LRRTM4: variants seen among roughly 807,000 people sequenced by gnomAD.
LRRTM4 encodes the protein leucine-rich repeat transmembrane neuronal protein 4.
Under a neutral mutation model 47.6 loss-of-function variants are expected in LRRTM4, and 25 were observed. That is an observed-to-expected ratio of 0.53 (90% CI 0.38 to 0.73). The LOEUF (loss-of-function observed/expected upper bound fraction) is 0.73, where lower values mean the gene tolerates loss of function less well. Ranked by LOEUF, LRRTM4 falls within the 30% of genes least tolerant of loss-of-function variation. The probability of loss-of-function intolerance (pLI) is 0.00; values close to 1 mark genes in which losing one functional copy is unlikely to be tolerated. For synonymous variants in LRRTM4, 311 were observed against 269.5 expected, an observed-to-expected ratio of 1.15 and a Z score of -1.51; for missense variants, 638 against 713.4, an observed-to-expected ratio of 0.89 and a Z score of 1.20.
intron 3 of LRRTM4, among the ~76,000 whole-genome samples, chr2:77,231,774 T>C (rs1674972447): frequency 6.6e-6 from 1 of 152,104 alleles, no homozygotes; most frequent in Admixed American, 6.5e-5. Flanking sequence ...CGAGGAACAC[T>C]CAAATAAGTC....
At chr2:76,780,995 G>T (rs978059434) in intron 3 of LRRTM4, among the ~76,000 whole-genome samples, 4 of 152,384 alleles carry the variant, frequency 2.6e-5, no homozygotes, top group South Asian at 4.1e-4. Context: ...ACCCTCAGCT[G>T]CAGGTCTGTT....
At chr2:76,813,408 C>T (rs1464302222) in intron 3 of LRRTM4, among the ~76,000 whole-genome samples, 1 of 152,048 alleles carries the variant, frequency 6.6e-6, no homozygotes, top group African/African-American at 2.4e-5. Context: ...TGTCTAATGT[C>T]AGAGAAATAT....
At chr2:77,005,058 T>G (rs1677586676) in intron 3 of LRRTM4, among the ~76,000 whole-genome samples, 1 of 152,140 alleles carries the variant, frequency 6.6e-6, no homozygotes, top group South Asian at 2.1e-4. Context: ...TTGCCTCGTC[T>G]GCAATGAGAT....
At chr2:76,894,578 AAAGTCATGTT>A (rs1398542701) in intron 3 of LRRTM4, among the ~76,000 whole-genome samples, 1 of 152,028 alleles carries the variant, frequency 6.6e-6, no homozygotes, top group Non-Finnish European at 1.5e-5. Flanking sequence ...AATACTTTGA[AAAGTCATGTT>A]AATGTTTCTA....
intron 3 of LRRTM4, among the ~76,000 whole-genome samples, chr2:77,105,096 C>G (rs186429141): frequency 1.5e-4 from 22 of 151,410 alleles, no homozygotes; most frequent in Admixed American, 1.3e-3. Flanking sequence ...AAGGGGAAAC[C>G]ATTTAGATTA....
chr2:76,837,535 C>G (rs1671549408), intron 3 of LRRTM4, among the ~76,000 whole-genome samples: 1 of 152,086 alleles, frequency 6.6e-6, no homozygotes, highest in African/African-American at 2.4e-5. Context: ...AAATTTCCCT[C>G]TATACACTGC....
intron 3 of LRRTM4, among the ~76,000 whole-genome samples, chr2:77,263,396 T>C (rs1675969681): frequency 6.6e-6 from 1 of 152,132 alleles, no homozygotes; most frequent in African/African-American, 2.4e-5. Context: ...GGACCTCTGA[T>C]TGGTAACCAA....
intron 3 of LRRTM4, among the ~76,000 whole-genome samples, chr2:76,943,391 G>A (rs1675217298): frequency 6.6e-6 from 1 of 152,044 alleles, no homozygotes; most frequent in Admixed American, 6.5e-5. Flanking sequence ...GGCGGAGATC[G>A]CACCACTGCA....
At chr2:76,787,728 AACT>A (rs1674754119) in intron 3 of LRRTM4, among the ~76,000 whole-genome samples, 1 of 152,064 alleles carries the variant, frequency 6.6e-6, no homozygotes, top group Admixed American at 6.6e-5. Flanking sequence ...CTTGTTTTGC[AACT>A]ATGAAAAGAA....
At chr2:77,256,608 C>T (rs1675775728) in intron 3 of LRRTM4, among the ~76,000 whole-genome samples, 1 of 152,150 alleles carries the variant, frequency 6.6e-6, no homozygotes, top group Non-Finnish European at 1.5e-5. Context: ...CAACTGCCAA[C>T]ATATATTTAA....
intron 3 of LRRTM4, among the ~76,000 whole-genome samples, chr2:77,260,584 C>A (rs553626524): frequency 6.6e-6 from 1 of 152,150 alleles, no homozygotes; most frequent in East Asian, 1.9e-4. Context: ...AATTTGCCAT[C>A]ATTTAGTTCT....
chr2:77,272,012 C>T (rs1676214236), intron 3 of LRRTM4, among the ~76,000 whole-genome samples: 1 of 151,550 alleles, frequency 6.6e-6, no homozygotes, highest in African/African-American at 2.4e-5. Context: ...CTATCCCTTT[C>T]CTATGGTTTT....
intron 3 of LRRTM4, among the ~76,000 whole-genome samples, chr2:76,791,667 T>C (rs890559514): frequency 1.4e-4 from 22 of 152,150 alleles, no homozygotes; most frequent in African/African-American, 5.1e-4. Flanking sequence ...TTAAAGACAA[T>C]TTCAGTACTT....
chr2:77,333,917 C>T (rs10199906), intron 3 of LRRTM4, among the ~76,000 whole-genome samples: 4,718 of 152,274 alleles, frequency 0.031, 253 homozygotes, highest in African/African-American at 0.11. Flanking sequence ...TGCAAAGCCA[C>T]GGGGGCAGAG....
chr2:76,824,300 G>A (rs1671133119), intron 3 of LRRTM4, among the ~76,000 whole-genome samples: 1 of 151,368 alleles, frequency 6.6e-6, no homozygotes, highest in African/African-American at 2.4e-5. Context: ...TCGACTGGTT[G>A]TATAATTTGC....
chr2:77,050,523 T>C (rs1679395340), intron 3 of LRRTM4, among the ~76,000 whole-genome samples: 1 of 152,172 alleles, frequency 6.6e-6, no homozygotes, highest in Non-Finnish European at 1.5e-5. Flanking sequence ...TATAAGGAAT[T>C]AGGACAATAA....
chr2:77,114,605 C>A (rs1281669956), intron 3 of LRRTM4, among the ~76,000 whole-genome samples: 1 of 152,094 alleles, frequency 6.6e-6, no homozygotes, highest in Non-Finnish European at 1.5e-5. Flanking sequence ...GGGGAACCAG[C>A]CCCCAATATT....
rs547858120 is a variant in LRRTM4, at chr2:77,099,148, A to G, written c.1552-350232T>C. Among the ~76,000 whole-genome samples the G allele has an allele frequency of 5.3e-4, 80 of 152,092 alleles. 1 individual carries two copies. The highest frequency in any genetic ancestry group is 8.5e-4 in the Non-Finnish European group (58 of 67,860). On this transcript the variant is annotated intron_variant, in intron 3 of 3. Transcript: ENST00000409884. ...TTTGCTCAAGGAGATTGATACAAGAATGTTCACAACGGTATGAATTCTCAT... is the reference window on the plus strand; with the variant it reads ...TTTGCTCAAGGAGATTGATACAAGAGTGTTCACAACGGTATGAATTCTCAT...
intron 3 of LRRTM4, among the ~76,000 whole-genome samples, chr2:77,092,129 C>A (rs1395732504): frequency 2.0e-5 from 3 of 152,170 alleles, no homozygotes; most frequent in Non-Finnish European, 4.4e-5. Context: ...TTTTCTTCCT[C>A]ATACCTGACG....
Sources: gnomAD v4.1 joint callset for allele counts (sites outside exome capture counted in the v4.1 genomes callset) on GRCh38, gnomAD v4.1.1 for gene constraint, MANE v1.5 for transcripts, NCBI Gene and HGNC (gene_info 2026-07-23, HGNC 2026-07-21) for gene names.